The following SLC5A11 variants were observed in gnomAD, a reference collection of about 807,000 sequenced individuals.
SLC5A11 encodes the protein solute carrier family 5 member 11.
Under a neutral mutation model 69.8 loss-of-function variants are expected in SLC5A11, and 48 were observed. The observed-to-expected ratio is 0.69, with a 90% CI of 0.55 to 0.87. The LOEUF (loss-of-function observed/expected upper bound fraction) is 0.87, where lower values mean the gene tolerates loss of function less well. Among genes scored for constraint, SLC5A11 ranks in the 40% least tolerant of loss-of-function variants. The pLI is 0.00. For synonymous variants in SLC5A11, 319 were observed against 342.4 expected, an observed-to-expected ratio of 0.93 and a Z score of 0.75; for missense variants, 784 against 866.1, an observed-to-expected ratio of 0.91 and a Z score of 1.19.
rs78423821 is a variant in SLC5A11 at position 24,858,465 on chromosome 16, C to T, written c.-24-155C>T. Among the ~76,000 whole-genome samples, 475 of 152,220 alleles carry T rather than the reference C, an allele frequency of 3.1e-3. 1 individual carries two copies. The highest frequency in any genetic ancestry group is 0.011 in the African/African-American group (460 of 41,526). On this transcript the variant is annotated intron_variant, in intron 1 of 15. Transcript: ENST00000347898. ...ATGAGTGAGTGGATGGTGGATGGATCGATGGATGGATCTGTCTTCCCTGAA... is the reference window on the plus strand; with the variant it reads ...ATGAGTGAGTGGATGGTGGATGGATTGATGGATGGATCTGTCTTCCCTGAA...
intron 8 of SLC5A11, among the ~76,000 whole-genome samples, chr16:24,890,621 T>C (rs555032034): frequency 2.3e-4 from 35 of 152,116 alleles, no homozygotes; most frequent in African/African-American, 7.2e-4. Context: ...TGAATACTTA[T>C]GTCAAACACC....
At chr16:24,893,396 C>CA (rs2048944693) in intron 9 of SLC5A11, among the ~76,000 whole-genome samples, 1 of 151,536 alleles carries the variant, frequency 6.6e-6, no homozygotes, top group Non-Finnish European at 1.5e-5. Flanking sequence ...CAAAACGAAA[C>CA]AAAAAAAGAC....
chr16:24,889,543 ATTTTTTTTTTT>A lies in SLC5A11; in HGVS notation c.665-1309_665-1299del, dbSNP rs71156454. On this transcript the variant is annotated intron_variant, in intron 8 of 15. Transcript: ENST00000347898. ...ATTAGACCTACTACAAGGTCTTACA[ATTTTTTTTTTT>A]TTTTTTTTTTTTTTTTGAGATGGAG... 3.1e-4 allele frequency among the ~76,000 whole-genome samples: 23 copies of A among 74,350 alleles called. No individual in the cohort carries two copies. The South Asian group carries it at 3.3e-3, about 11-fold the overall frequency. 48.8% of individuals were successfully genotyped at this position (74,350 alleles called of 152,430 possible).
At chr16:24,904,342 A>G (rs1255237118) in intron 10 of SLC5A11, among the ~76,000 whole-genome samples, 1 of 152,194 alleles carries the variant, frequency 6.6e-6, no homozygotes, top group African/African-American at 2.4e-5. Context: ...TTTCCATACT[A>G]GCTGTAGTAA....
chr16:24,907,888 A>C, intron 12 of SLC5A11, 75 bp from the exon 14 acceptor site: 1 of 1,566,982 alleles, frequency 6.4e-7, no homozygotes, highest in Non-Finnish European at 8.7e-7. Context: ...CCTGTCTATT[A>C]AAAGAGACAG....
At chr16:24,893,425 C>A (rs1265331810) in intron 9 of SLC5A11, among the ~76,000 whole-genome samples, 1 of 151,954 alleles carries the variant, frequency 6.6e-6, no homozygotes, top group African/African-American at 2.4e-5. Flanking sequence ...CATTCTGCCA[C>A]CAGGAAAAAG....
intron 7 of SLC5A11, among the ~76,000 whole-genome samples, chr16:24,882,547 G>A (rs2048114724): frequency 6.6e-6 from 1 of 152,170 alleles, no homozygotes; most frequent in Non-Finnish European, 1.5e-5. Flanking sequence ...TTCTCCTCAG[G>A]GAAGGAGGAA....
chr16:24,910,408 C>G, exon 15 of SLC5A11: 1 of 1,614,128 alleles, frequency 6.2e-7, no homozygotes, highest in Non-Finnish European at 8.5e-7. Context: ...GAACGGGATG[C>G]CAGAGGCCAG....
intron 4 of SLC5A11, among the ~76,000 whole-genome samples, chr16:24,871,574 G>A (rs143375752): frequency 8.6e-4 from 130 of 152,026 alleles, no homozygotes; most frequent in African/African-American, 3.1e-3. Flanking sequence ...CACCCAGCTG[G>A]GCAAGTTTCT....
At chr16:24,849,593 A>AAAAAAAATAT in intron 1 of SLC5A11, among the ~76,000 whole-genome samples, 9 of 35,904 alleles carry the variant, frequency 2.5e-4, no homozygotes, top group African/African-American at 8.3e-4. Context: ...AAAAAAAAAA[A>AAAAAAAATAT]ATATATATAT....
At chr16:24,898,558 G>T (rs274090) in intron 10 of SLC5A11, among the ~76,000 whole-genome samples, 1 of 144,426 alleles carries the variant, frequency 6.9e-6, no homozygotes. Flanking sequence ...TTGCACTGTC[G>T]CCCAGGCTGG....
chr16:24,850,777 T>A (rs1184906015), intron 1 of SLC5A11, among the ~76,000 whole-genome samples: 1 of 152,090 alleles, frequency 6.6e-6, no homozygotes, highest in Non-Finnish European at 1.5e-5. Flanking sequence ...CATGCACATA[T>A]GTGGCCAAGG....
At chr16:24,903,792 T>C (rs1238586233) in intron 10 of SLC5A11, among the ~76,000 whole-genome samples, 3 of 152,238 alleles carry the variant, frequency 2.0e-5, no homozygotes, top group Admixed American at 6.5e-5. Flanking sequence ...ATTCCATATG[T>C]TGGCTATTGT....
intron 1 of SLC5A11, among the ~76,000 whole-genome samples, chr16:24,848,351 GC>G (rs61164849): frequency 0.05 from 7,662 of 152,286 alleles, 580 homozygotes; most frequent in East Asian, 0.34. Flanking sequence ...GCTCATGCCT[GC>G]AACCTCAGTG....
Position 24,906,689 on chromosome 16 carries a change from C to A in SLC5A11, c.1039C>A (p.Gln347Lys), listed in dbSNP as rs755867529. The change falls in exon 11 of 16, where the codon CAG (glutamine) becomes AAG (lysine). Residue 347 changes from glutamine to lysine, a missense_variant. Around this residue, in one of 3 missense-constraint regions of SLC5A11, gnomAD observed 550 missense variants for 606.4 expected, o/e 0.91. Coordinates refer to ENST00000347898, the Ensembl canonical transcript of SLC5A11. ...GGCCTGTGCAGATCCAGAGATCTGC[C>A]AGAAGATCTGCAGCAACCCCTCAGG... 3 of 1,613,170 alleles carry A rather than the reference C, an allele frequency of 1.9e-6. No homozygotes were observed. In the South Asian group the frequency reaches 3.3e-5, roughly 18 times the overall value.
intron 1 of SLC5A11, among the ~76,000 whole-genome samples, chr16:24,849,639 C>T (rs1219600312): frequency 4.8e-5 from 6 of 125,970 alleles, no homozygotes; most frequent in South Asian, 2.6e-4. Context: ...AGAGATGCCA[C>T]GTTGGCATTT....
At chr16:24,884,501 C>T (rs114596276) in intron 8 of SLC5A11, among the ~76,000 whole-genome samples, 10,493 of 125,602 alleles carry the variant, frequency 0.084, 1,130 homozygotes, top group African/African-American at 0.26. Context: ...GAGCTAATTG[C>T]TTTTTTATTT....
rs977265527 is a variant in SLC5A11, at chr16:24,880,335, TTTTTC to T, written c.583+2987_583+2991del. On this transcript the variant is annotated intron_variant, in intron 7 of 15. Transcript: ENST00000347898. Reference sequence around the variant, plus strand: ...AGTGAAGCGGGAGGTGCTACACACTTTTTTCTTTTCTTTTCTTTTTGAGATGGAGA... The same window carrying T: ...AGTGAAGCGGGAGGTGCTACACACTTTTTTCTTTTCTTTTTGAGATGGAGA... Among the ~76,000 whole-genome samples, 612 of 152,040 alleles carry T rather than the reference TTTTTC, an allele frequency of 4.0e-3. 4 individuals are homozygous for T. The highest frequency in any genetic ancestry group is 0.014 in the African/African-American group (574 of 41,460).
At chr16:24,896,130 G>T (rs937464384) in intron 9 of SLC5A11, among the ~76,000 whole-genome samples, 1 of 151,838 alleles carries the variant, frequency 6.6e-6, no homozygotes, top group Non-Finnish European at 1.5e-5. Flanking sequence ...GAGGCAGGAG[G>T]GTTGTTTGAC....
Sources: allele counts gnomAD v4.1 joint callset (sites outside exome capture counted in the v4.1 genomes callset), GRCh38; gene constraint gnomAD v4.1.1; regional missense constraint gnomAD v4.1.1; transcripts MANE v1.5; gene names NCBI Gene and HGNC (gene_info 2026-07-23, HGNC 2026-07-21).